BRAF: variants seen among roughly 807,000 people sequenced by gnomAD.
BRAF encodes the protein serine/threonine-protein kinase B-raf.
A neutral mutation model predicts 104.6 loss-of-function variants in BRAF; 16 were observed. That is an observed-to-expected ratio of 0.15 (90% CI 0.10 to 0.23). The LOEUF is 0.23. BRAF is among the 10% of genes least tolerant of loss of function. The pLI, the probability that BRAF is intolerant of heterozygous loss-of-function variation, is 1.00. For missense variants in BRAF, 541 were observed against 937.3 expected (o/e 0.58, Z 5.52); for synonymous variants, 310 against 341.6 (o/e 0.91, Z 1.02).
At chr7:140,900,019 T>C (rs1281464620) in intron 1 of BRAF, among the ~76,000 whole-genome samples, 1 of 152,226 alleles carries the variant, frequency 6.6e-6, no homozygotes, top group Non-Finnish European at 1.5e-5. Flanking sequence ...AGTCAAGCCT[T>C]CAAATGACTG....
chr7:140,893,122 A>T (rs1191862672), intron 1 of BRAF, among the ~76,000 whole-genome samples: 1 of 152,160 alleles, frequency 6.6e-6, no homozygotes, highest in Non-Finnish European at 1.5e-5. Context: ...AGACATTAAA[A>T]ATGGAGGAGT....
chr7:140,887,201 A>T (rs771235994), intron 1 of BRAF, among the ~76,000 whole-genome samples: 2 of 152,238 alleles, frequency 1.3e-5, no homozygotes, highest in Non-Finnish European at 2.9e-5. Flanking sequence ...TTCCAACTCC[A>T]CAAGTAAATC....
intron 14 of BRAF, among the ~76,000 whole-genome samples, chr7:140,763,197 C>G (rs1798932306): frequency 6.6e-6 from 1 of 152,128 alleles, no homozygotes; most frequent in Non-Finnish European, 1.5e-5. Context: ...GGGAGAGGCG[C>G]CCCTCACCTC....
At chr7:140,732,603 G>A (rs1400021243) in intron 19 of BRAF, 1 of 152,174 alleles carries the variant, frequency 6.6e-6, no homozygotes. Context: ...GGAACAATGA[G>A]TTTCTGAGTG....
At chr7:140,890,847 G>A (rs1385515311) in intron 1 of BRAF, among the ~76,000 whole-genome samples, 1 of 152,126 alleles carries the variant, frequency 6.6e-6, no homozygotes, top group African/African-American at 2.4e-5. Context: ...TTTCTATTAT[G>A]AGAGTAAAAT....
At chr7:140,727,128 G>C (rs74738154) in intron 19 of BRAF, among the ~76,000 whole-genome samples, 2 of 151,376 alleles carry the variant, frequency 1.3e-5, no homozygotes, top group Non-Finnish European at 2.9e-5. Flanking sequence ...AAGTACCTTT[G>C]TGATATCATG....
Position 140,724,081 on chromosome 7 carries a change from T to G in BRAF, c.*2413A>C, listed in dbSNP as rs1795461790. ...GGGCACAGCTTCATTTGAGATCAAGTCTGCTCCCCCGTTCAAATGAGATAC... is the reference window on the plus strand; with the variant it reads ...GGGCACAGCTTCATTTGAGATCAAGGCTGCTCCCCCGTTCAAATGAGATAC... On this transcript the variant is annotated 3_prime_UTR_variant, in exon 20 of 20. Coordinates refer to ENST00000644969, the MANE Select transcript of BRAF (RefSeq NM_001374258.1). The G allele has an allele frequency of 9.5e-7, 1 of 1,048,562 alleles. No homozygotes were observed. The highest frequency in any genetic ancestry group is 1.7e-5 in the African/African-American group (1 of 60,208). The allele number at this position is 1,048,562 out of a possible 1,614,324, so 65.0% of individuals were successfully genotyped here. A position where few individuals can be genotyped will look rare whatever the true frequency, so the allele number is the denominator to read the frequency against.
intron 14 of BRAF, among the ~76,000 whole-genome samples, chr7:140,760,298 A>G (rs1383218180): frequency 6.6e-6 from 1 of 152,054 alleles, no homozygotes. Flanking sequence ...CTGTAATCCC[A>G]GCTACTTGGG....
intron 14 of BRAF, among the ~76,000 whole-genome samples, chr7:140,768,397 C>T (rs1193403028): frequency 1.3e-5 from 2 of 152,184 alleles, no homozygotes; most frequent in Non-Finnish European, 2.9e-5. Context: ...CATGTGGAGG[C>T]TTGGCCCCAG....
intron 14 of BRAF, among the ~76,000 whole-genome samples, chr7:140,769,213 A>G (rs1799608273): frequency 6.6e-6 from 1 of 151,804 alleles, no homozygotes; most frequent in Admixed American, 6.6e-5. Flanking sequence ...AGTAATTGGG[A>G]TTACAGGCAC....
At chr7:140,915,490 A>G (rs1460046220) in intron 1 of BRAF, among the ~76,000 whole-genome samples, 1 of 150,610 alleles carries the variant, frequency 6.6e-6, no homozygotes, top group Admixed American at 6.6e-5. Flanking sequence ...GCTGGAGTGC[A>G]ATGGCGCAAT....
intron 3 of BRAF, chr7:140,823,819 CTTG>C (rs1805727750): frequency 1.3e-5 from 2 of 152,196 alleles, no homozygotes; most frequent in Admixed American, 6.5e-5. Context: ...CTTGCCAACT[CTTG>C]TTATCTTCTT....
downstream of BRAF, among the ~76,000 whole-genome samples, chr7:140,714,735 C>G (rs770269811): frequency 1.3e-5 from 2 of 152,114 alleles, no homozygotes; most frequent in Non-Finnish European, 2.9e-5. Flanking sequence ...AGGTTCTGTT[C>G]TCAGAGAACT....
At chr7:140,837,877 A>G (rs1049567141) in intron 2 of BRAF, among the ~76,000 whole-genome samples, 1 of 152,170 alleles carries the variant, frequency 6.6e-6, no homozygotes, top group Non-Finnish European at 1.5e-5. Context: ...CTTTATCTAC[A>G]AAATTCTCCA....
rs908419949 is a variant in BRAF at position 140,924,496 on chromosome 7, T to C, written c.138+70A>G. 2 of 1,527,096 alleles carry C rather than the reference T, an allele frequency of 1.3e-6. No individual in the cohort carries two copies. The highest frequency in any genetic ancestry group is 1.4e-5 in the African/African-American group (1 of 72,408). 94.6% of individuals were successfully genotyped at this position (1,527,096 alleles called of 1,614,324 possible). A position where few individuals can be genotyped will look rare whatever the true frequency, so the allele number is the denominator to read the frequency against. ...GCATCAAGCCCCCACCGCCGCCTCT[T>C]TCCAAAATAAACACCAGCCAGCCGC... is the stretch of plus-strand genomic sequence containing the variant. On this transcript the variant is annotated intron_variant, in intron 1 of 19. Transcript: ENST00000644969. The surrounding 1 kb of genome is among the most constrained non-coding windows in gnomAD (Gnocchi z 4.2).
chr7:140,720,681 T>C lies in BRAF; in HGVS notation c.*5813A>G. ...TTACTGCCACCTCACCCCATTTTGG[T>C]CTCTGTTCTCTACATCTGTGCCTAC... is the stretch of plus-strand genomic sequence containing the variant. On this transcript the variant is annotated 3_prime_UTR_variant, in exon 20 of 20. Coordinates refer to ENST00000644969, the MANE Select transcript of BRAF (RefSeq NM_001374258.1). 9.4e-7 allele frequency: 1 copy of C among 1,065,940 alleles called. No homozygotes were observed. The highest frequency in any genetic ancestry group is 1.6e-5 in the African/African-American group (1 of 61,220). 66.0% of individuals were successfully genotyped at this position (1,065,940 alleles called of 1,614,324 possible). A position where few individuals can be genotyped will look rare whatever the true frequency, so the allele number is the denominator to read the frequency against.
At chr7:140,732,478 G>C (rs564656859) in intron 19 of BRAF, 5 of 152,204 alleles carry the variant, frequency 3.3e-5, no homozygotes, top group African/African-American at 1.2e-4. Flanking sequence ...AGCTAAACAT[G>C]TCACCTGTCA....
At chr7:140,804,975 G>T (rs1361856169) in intron 5 of BRAF, among the ~76,000 whole-genome samples, 1 of 151,674 alleles carries the variant, frequency 6.6e-6, no homozygotes, top group Non-Finnish European at 1.5e-5. Flanking sequence ...CCTACTTTTT[G>T]TATTTTTTTG....
At position 140,914,974 on chromosome 7, in the gene BRAF, G is replaced by C. The variant is rs999494425; in HGVS notation, c.138+9592C>G. On this transcript the variant is annotated intron_variant, in intron 1 of 19. Transcript: ENST00000644969. ...AGAATCACTTGAACCCGGGGGGGGG[G>C]GGGGGCGGAGGTTGCAATGAGCCGA... Among the ~76,000 whole-genome samples the C allele has an allele frequency of 6.1e-5, 4 of 65,642 alleles. 1 individual carries two copies. Among genetic ancestry groups the C allele is most frequent in the African/African-American group, 1.0e-4 (2 of 19,380 alleles). The allele number at this position is 65,642 out of a possible 152,430, so 43.1% of individuals were successfully genotyped here. A position where few individuals can be genotyped will look rare whatever the true frequency, so the allele number is the denominator to read the frequency against.
Sources: gnomAD v4.1 joint callset for allele counts (sites outside exome capture counted in the v4.1 genomes callset) on GRCh38, gnomAD v4.1.1 for gene constraint, Gnocchi (gnomAD v3.1) non-coding constraint, MANE v1.5 for transcripts, NCBI Gene and HGNC (gene_info 2026-07-23, HGNC 2026-07-21) for gene names.